The following SUMF1 variants were observed in gnomAD, a reference collection of about 807,000 sequenced individuals.
SUMF1 encodes the protein formylglycine-generating enzyme.
SUMF1 carries 48 observed loss-of-function variants against 47.6 expected under a neutral mutation model. The ratio of observed to expected loss-of-function variants is 1.01; its 90% CI spans 0.80 to 1.28. The LOEUF is 1.28. SUMF1 is among the 50% of genes most tolerant of loss of function. The pLI is 0.00. For missense variants in SUMF1, 571 were observed against 485.4 expected, an observed-to-expected ratio of 1.18 and a Z score of -1.66; for synonymous variants, 230 against 192.1, an observed-to-expected ratio of 1.20 and a Z score of -1.63.
At chr3:4,303,308 G>C in intron 8 of SUMF1, 1 of 1,451,452 alleles carries the variant, frequency 6.9e-7, no homozygotes, top group East Asian at 3.0e-5. Flanking sequence ...GGGACCACAA[G>C]TCCCAGCATC....
intron 8 of SUMF1, among the ~76,000 whole-genome samples, chr3:4,273,572 C>T (rs1196532700): frequency 6.6e-6 from 1 of 151,892 alleles, no homozygotes; most frequent in African/African-American, 2.4e-5. Flanking sequence ...AATGTTCCAA[C>T]ATTGAATTGT....
At position 4,036,393 on chromosome 3, in the gene SUMF1, A is replaced by T. The variant is rs182273397; in HGVS notation, c.1191+32176T>A. ...CCTTCCAGATGTTCAGGGAGAGACC[A>T]CCTCCCTGGATCACATTTCTTATCA... On this transcript the variant is annotated intron_variant and NMD_transcript_variant, in intron 9 of 12. Coordinates refer to the SUMF1 transcript ENST00000448413. 2.0e-5 allele frequency among the ~76,000 whole-genome samples: 3 copies of T among 152,080 alleles called. No individual in the cohort carries two copies. In the East Asian group the frequency reaches 5.8e-4, roughly 29 times the overall value.
chr3:4,328,931 G>A (rs994053942), intron 8 of SUMF1, among the ~76,000 whole-genome samples: 1 of 152,204 alleles, frequency 6.6e-6, no homozygotes, highest in Admixed American at 6.5e-5. Flanking sequence ...AAATGGGAGA[G>A]ATTGGCCAAA....
At chr3:4,231,142 T>A (rs961544335) in intron 8 of SUMF1, among the ~76,000 whole-genome samples, 2 of 152,124 alleles carry the variant, frequency 1.3e-5, no homozygotes, top group Non-Finnish European at 2.9e-5. Context: ...AGCCTGGAAC[T>A]GACTACAGAG....
intron 8 of SUMF1, among the ~76,000 whole-genome samples, chr3:4,341,604 A>T (rs920972486): frequency 6.6e-6 from 1 of 152,148 alleles, no homozygotes; most frequent in Non-Finnish European, 1.5e-5. Flanking sequence ...TGCAAGAGAG[A>T]TTTTTTGACA....
chr3:4,279,123 C>G (rs1350920257), intron 8 of SUMF1, among the ~76,000 whole-genome samples: 1 of 152,104 alleles, frequency 6.6e-6, no homozygotes, highest in Non-Finnish European at 1.5e-5. Context: ...AAGAATTGCT[C>G]TAATGCAACC....
intron 8 of SUMF1, among the ~76,000 whole-genome samples, chr3:4,264,504 CTT>C (rs1003319582): frequency 2.0e-5 from 3 of 151,712 alleles, no homozygotes; most frequent in East Asian, 1.9e-4. Flanking sequence ...CATCAGAACA[CTT>C]TTTTTTTATA....
rs1163605070 is a variant in SUMF1, at chr3:4,271,519, A to ATAGATAGG, written c.1014+104810_1014+104811insCCTATCTA. 1.2e-3 allele frequency among the ~76,000 whole-genome samples: 97 copies of ATAGATAGG among 83,436 alleles called. 1 individual carries two copies. The highest frequency in any genetic ancestry group is 2.1e-3 in the African/African-American group (59 of 27,458). The allele number at this position is 83,436 out of a possible 152,430, so 54.7% of individuals were successfully genotyped here. A position where few individuals can be genotyped will look rare whatever the true frequency, so the allele number is the denominator to read the frequency against. On this transcript the variant is annotated intron_variant and NMD_transcript_variant, in intron 8 of 12. Coordinates refer to the SUMF1 transcript ENST00000448413. ...GATAGATAGATAGATAGATAGATAG[A>ATAGATAGG]TACAGAGAGGATCTCAACATTGCCC...
At chr3:4,071,135 C>T (rs795740) in intron 8 of SUMF1, among the ~76,000 whole-genome samples, 22,950 of 152,044 alleles carry the variant, frequency 0.15, 2,496 homozygotes, top group African/African-American at 0.29. Context: ...TACATACAAG[C>T]TTAAAACTAC....
intron 8 of SUMF1, among the ~76,000 whole-genome samples, chr3:4,192,636 C>T (rs1394923542): frequency 1.3e-5 from 2 of 152,026 alleles, no homozygotes; most frequent in Non-Finnish European, 2.9e-5. Flanking sequence ...CTTTGTTACT[C>T]TTGATAGGTT....
chr3:4,373,987 T>C (rs568903997), intron 8 of SUMF1, among the ~76,000 whole-genome samples: 2 of 91,738 alleles, frequency 2.2e-5, no homozygotes, highest in East Asian at 4.4e-4. Context: ...TCTACATCCA[T>C]TGCTGATAAA....
chr3:4,393,180 T>C (rs1700931437), intron 7 of SUMF1, among the ~76,000 whole-genome samples: 1 of 152,228 alleles, frequency 6.6e-6, no homozygotes, highest in Non-Finnish European at 1.5e-5. Flanking sequence ...GGGCTAGTCA[T>C]GCTGCAGGAT....
chr3:4,086,979 G>T (rs1282634486), intron 8 of SUMF1, among the ~76,000 whole-genome samples: 1 of 151,918 alleles, frequency 6.6e-6, no homozygotes, highest in Non-Finnish European at 1.5e-5. Flanking sequence ...CCCAGTCTTG[G>T]GTATGTCTTT....
chr3:4,253,043 G>C (rs79716701), intron 8 of SUMF1, among the ~76,000 whole-genome samples: 34 of 152,214 alleles, frequency 2.2e-4, no homozygotes, highest in Non-Finnish European at 3.5e-4. Context: ...TTCCATAAGA[G>C]TTTTAAATTT....
intron 8 of SUMF1, among the ~76,000 whole-genome samples, chr3:4,082,856 CTAAGT>C (rs570423801): frequency 7.2e-5 from 11 of 152,094 alleles, no homozygotes; most frequent in African/African-American, 2.7e-4. Flanking sequence ...TCAAAACAGG[CTAAGT>C]TAAGTCAATC....
chr3:4,457,170 G>A (rs919738380), intron 1 of SUMF1, among the ~76,000 whole-genome samples: 1 of 150,948 alleles, frequency 6.6e-6, no homozygotes, highest in African/African-American at 2.4e-5. Context: ...TCAATCTCCT[G>A]ACCTCAGGTG....
intron 1 of SUMF1, among the ~76,000 whole-genome samples, chr3:4,457,517 T>C (rs1453483198): frequency 2.0e-5 from 3 of 152,026 alleles, no homozygotes; most frequent in Non-Finnish European, 4.4e-5. Flanking sequence ...CCTAATCAAA[T>C]GGCATGGTAC....
chr3:4,160,972 G>A (rs1351196950), intron 8 of SUMF1, among the ~76,000 whole-genome samples: 1 of 152,044 alleles, frequency 6.6e-6, no homozygotes, highest in Non-Finnish European at 1.5e-5. Flanking sequence ...TCTTGGGAAG[G>A]CTTTCCAGGT....
intron 9 of SUMF1, among the ~76,000 whole-genome samples, chr3:4,055,459 G>A (rs1695175110): frequency 6.6e-6 from 1 of 151,990 alleles, no homozygotes; most frequent in African/African-American, 2.4e-5. Context: ...CACAAATTTA[G>A]TATCTGTTAA....
Sources: gnomAD v4.1 joint callset for allele counts (sites outside exome capture counted in the v4.1 genomes callset) on GRCh38, gnomAD v4.1.1 for gene constraint, MANE v1.5 for transcripts, NCBI Gene and HGNC (gene_info 2026-07-23, HGNC 2026-07-21) for gene names.